The following PTPRK variants were observed in gnomAD, a reference collection of about 807,000 sequenced individuals.
PTPRK encodes the protein receptor-type tyrosine-protein phosphatase kappa.
In PTPRK, 75 loss-of-function variants were observed where a neutral mutation model predicts 178.0. The ratio of observed to expected loss-of-function variants is 0.42; its 90% CI spans 0.35 to 0.51. The LOEUF (loss-of-function observed/expected upper bound fraction) is 0.51. PTPRK is among the 20% of genes least tolerant of loss of function. The pLI, the probability that PTPRK is intolerant of heterozygous loss-of-function variation, is 0.02. For synonymous variants in PTPRK, 637 were observed against 620.6 expected (o/e 1.03, Z -0.39); for missense variants, 1,441 against 1,797.8 (o/e 0.80, Z 3.59).
intron 1 of PTPRK, among the ~76,000 whole-genome samples, chr6:128,402,066 T>C (rs1418271221): frequency 1.3e-5 from 2 of 152,078 alleles, no homozygotes; most frequent in Non-Finnish European, 2.9e-5. Flanking sequence ...TCAGAAACCA[T>C]GATATAAATT....
In PTPRK at chr6:127,996,944, T is replaced by C. The variant is rs776611285; in HGVS notation, c.2724A>G (p.Lys908=). Residue 908 remains lysine (K), a synonymous_variant, in exon 17 of 30, where the codon AAA becomes AAG. Coordinates refer to ENST00000368226, the MANE Select transcript of PTPRK (RefSeq NM_002844.4). ...GQSASWDVAK[K]DQNRAKNRYG... is the part of the protein sequence containing the mutation. Reference sequence around the variant, plus strand: ...ATCGGTTTTTTGCTCTATTTTGATCTTTTTTAGCTACATCCCAAGATGCTG... The same window carrying C: ...ATCGGTTTTTTGCTCTATTTTGATCCTTTTTAGCTACATCCCAAGATGCTG... 2.5e-6 allele frequency: 4 copies of C among 1,611,866 alleles called. No individual in the cohort carries two copies. Among genetic ancestry groups the C allele is most frequent in the African/African-American group, 1.3e-5 (1 of 74,958 alleles).
At chr6:128,045,098 GAATT>G (rs1430276236) in intron 13 of PTPRK, among the ~76,000 whole-genome samples, 2 of 151,998 alleles carry the variant, frequency 1.3e-5, no homozygotes, top group Non-Finnish European at 2.9e-5. Context: ...ATGTAGATGA[GAATT>G]AATGACTTCT....
At chr6:128,088,578 T>C (rs1315903922) in intron 8 of PTPRK, among the ~76,000 whole-genome samples, 1 of 152,076 alleles carries the variant, frequency 6.6e-6, no homozygotes, top group Non-Finnish European at 1.5e-5. Flanking sequence ...TAAAAGGAAA[T>C]TTTGAAAGGA....
At chr6:128,280,607 G>T (rs1821518630) in intron 3 of PTPRK, among the ~76,000 whole-genome samples, 1 of 152,028 alleles carries the variant, frequency 6.6e-6, no homozygotes, top group Non-Finnish European at 1.5e-5. Context: ...TGTTTTTAAA[G>T]ATATATATAA....
At chr6:128,461,836 G>A (rs533433892) in intron 1 of PTPRK, among the ~76,000 whole-genome samples, 9 of 152,100 alleles carry the variant, frequency 5.9e-5, no homozygotes, top group African/African-American at 2.2e-4. Context: ...ATACATAACT[G>A]GAATTATATA....
chr6:128,126,723 A>G (rs1793440548), intron 7 of PTPRK, among the ~76,000 whole-genome samples: 1 of 152,180 alleles, frequency 6.6e-6, no homozygotes, highest in Non-Finnish European at 1.5e-5. Flanking sequence ...TTCTGGGCTC[A>G]AGCAACGCTC....
intron 7 of PTPRK, among the ~76,000 whole-genome samples, chr6:128,152,577 G>C (rs1457136183): frequency 2.0e-5 from 3 of 151,536 alleles, no homozygotes; most frequent in South Asian, 2.1e-4. Flanking sequence ...AATCAATGTA[G>C]TGAGGAGGAA....
chr6:127,995,571 A>G (rs781602237), intron 17 of PTPRK, 33 bp from the exon 18 acceptor site: 4 of 1,351,432 alleles, frequency 3.0e-6, no homozygotes, highest in Non-Finnish European at 4.1e-6. Flanking sequence ...ATAAGCTGTT[A>G]AATTTTCCCC....
intron 13 of PTPRK, among the ~76,000 whole-genome samples, chr6:128,051,992 T>C (rs533516664): frequency 1.3e-5 from 2 of 152,310 alleles, no homozygotes; most frequent in Non-Finnish European, 2.9e-5. Flanking sequence ...TTCAGCTTCC[T>C]TGTTCACAGC....
chr6:128,093,615 A>AC (rs1787394096), intron 7 of PTPRK, among the ~76,000 whole-genome samples: 1 of 148,888 alleles, frequency 6.7e-6, no homozygotes, highest in African/African-American at 2.5e-5. Flanking sequence ...AAAAAAAAAA[A>AC]AAAAAAAACG....
chr6:128,350,830 A>G (rs1833020025), intron 2 of PTPRK, among the ~76,000 whole-genome samples: 1 of 152,318 alleles, frequency 6.6e-6, no homozygotes, highest in East Asian at 1.9e-4. Context: ...TGTGCAAACC[A>G]TATTAACTCC....
At chr6:128,074,791 A>C (rs1420021028) in intron 11 of PTPRK, among the ~76,000 whole-genome samples, 2 of 152,072 alleles carry the variant, frequency 1.3e-5, no homozygotes, top group Non-Finnish European at 2.9e-5. Context: ...GGTGAAACTT[A>C]GTGCTGCATT....
intron 3 of PTPRK, among the ~76,000 whole-genome samples, chr6:128,303,754 C>T (rs1825977388): frequency 6.6e-6 from 1 of 152,064 alleles, no homozygotes; most frequent in African/African-American, 2.4e-5. Context: ...GTTGTTCAAG[C>T]ACATTTCTGT....
intron 1 of PTPRK, among the ~76,000 whole-genome samples, chr6:128,478,530 C>G (rs1851654179): frequency 2.0e-5 from 3 of 152,112 alleles, no homozygotes; most frequent in Admixed American, 1.3e-4. Flanking sequence ...TGTTACAAAA[C>G]AAGACCATAG....
intron 1 of PTPRK, among the ~76,000 whole-genome samples, chr6:128,498,601 G>A (rs1855081819): frequency 6.6e-6 from 1 of 152,158 alleles, no homozygotes; most frequent in South Asian, 2.1e-4. Flanking sequence ...GTATGACAAT[G>A]TGCATAACTC....
chr6:128,237,046 TGAGA>T (rs1288742053), intron 5 of PTPRK, among the ~76,000 whole-genome samples: 3 of 152,126 alleles, frequency 2.0e-5, no homozygotes, highest in Non-Finnish European at 4.4e-5. Context: ...AATACAGAAG[TGAGA>T]GAAATTTTTC....
chr6:128,422,617 G>A (rs1385101159), intron 1 of PTPRK, among the ~76,000 whole-genome samples: 1 of 128,452 alleles, frequency 7.8e-6, no homozygotes, highest in African/African-American at 3.0e-5. Context: ...ATTTGTTACA[G>A]CATGGGAGAA....
intron 7 of PTPRK, among the ~76,000 whole-genome samples, chr6:128,174,816 C>T (rs537619392): frequency 2.6e-5 from 4 of 151,740 alleles, no homozygotes; most frequent in African/African-American, 2.4e-5. Context: ...TGATTGACTG[C>T]TTGATGAAAT....
chr6:128,488,412 C>T (rs1014527130), intron 1 of PTPRK, among the ~76,000 whole-genome samples: 3 of 152,118 alleles, frequency 2.0e-5, no homozygotes, highest in Admixed American at 2.0e-4. Flanking sequence ...AACAATACTT[C>T]GTATCCTTCA....
Sources: gnomAD v4.1 joint callset for allele counts (sites outside exome capture counted in the v4.1 genomes callset) on GRCh38, gnomAD v4.1.1 for gene constraint, MANE v1.5 for transcripts, NCBI Gene and HGNC (gene_info 2026-07-23, HGNC 2026-07-21) for gene names.